Variants in SCFD2 observed in about 807,000 individuals in gnomAD.
The protein encoded by SCFD2 is sec1 family domain-containing protein 2.
SCFD2 carries 54 observed loss-of-function variants against 58.9 expected under a neutral mutation model. That is an observed-to-expected ratio of 0.92 (90% CI 0.74 to 1.15). The LOEUF (loss-of-function observed/expected upper bound fraction) is 1.15, where lower values mean the gene tolerates loss of function less well. SCFD2 is among the 50% of genes most tolerant of loss of function. The pLI is 0.00. For synonymous variants in SCFD2, 321 were observed against 335.9 expected (o/e 0.96, Z 0.49); for missense variants, 805 against 836.6 (o/e 0.96, Z 0.47).
rs368911040 is a variant in SCFD2, at chr4:52,885,666, G to A, written c.1962+81C>T. 8.5e-5 allele frequency: 131 copies of A among 1,538,820 alleles called. 1 individual carries two copies. In the African/African-American group the frequency reaches 1.7e-3, roughly 20 times the overall value. On this transcript the variant is annotated intron_variant, in intron 8 of 8. Coordinates refer to ENST00000401642, the MANE Select transcript of SCFD2 (RefSeq NM_152540.4). ...CAGGCAGGCTAGGAGAGGGGCACTG[G>A]GACCCATAGGTGGAGGGCCCTCACC...
chr4:53,348,206 G>T (rs1236345883), intron 2 of SCFD2, among the ~76,000 whole-genome samples: 1 of 152,136 alleles, frequency 6.6e-6, no homozygotes, highest in Non-Finnish European at 1.5e-5. Flanking sequence ...TATAAAAATT[G>T]GCAGTAACTT....
chr4:53,052,355 T>C (rs1723209795), intron 5 of SCFD2, among the ~76,000 whole-genome samples: 1 of 152,188 alleles, frequency 6.6e-6, no homozygotes, highest in Non-Finnish European at 1.5e-5. Context: ...AAACAAAATC[T>C]TTCCCAGTCC....
chr4:53,153,437 C>T (rs975342825), intron 4 of SCFD2, among the ~76,000 whole-genome samples: 1 of 152,234 alleles, frequency 6.6e-6, no homozygotes, highest in Non-Finnish European at 1.5e-5. Context: ...ACAGCTGGAG[C>T]TGGAGTGGCC....
chr4:52,920,577 C>T, intron 6 of SCFD2, 148 bp downstream of exon 6: 1 of 486,028 alleles, frequency 2.1e-6, no homozygotes. Flanking sequence ...TCCGTGGGAC[C>T]CAAAACTCTG....
At chr4:53,323,929 A>G (rs913502747) in intron 2 of SCFD2, among the ~76,000 whole-genome samples, 1 of 152,094 alleles carries the variant, frequency 6.6e-6, no homozygotes, top group African/African-American at 2.4e-5. Flanking sequence ...TTGCAGCCAC[A>G]ATTACCCTAT....
chr4:53,191,580 T>C (rs1171496720), intron 4 of SCFD2, among the ~76,000 whole-genome samples: 6 of 152,150 alleles, frequency 3.9e-5, no homozygotes, highest in Non-Finnish European at 8.8e-5. Flanking sequence ...CTAATTTTTG[T>C]ATTTTTAGTA....
intron 1 of SCFD2, among the ~76,000 whole-genome samples, chr4:53,361,604 C>T (rs1451967187): frequency 1.3e-5 from 2 of 152,116 alleles, no homozygotes; most frequent in Non-Finnish European, 2.9e-5. Context: ...ACTCTGTTGC[C>T]CAGGCTGTTC....
At chr4:53,170,834 C>G (rs73143488) in intron 4 of SCFD2, among the ~76,000 whole-genome samples, 1 of 151,902 alleles carries the variant, frequency 6.6e-6, no homozygotes, top group Non-Finnish European at 1.5e-5. Context: ...TGTTAGTTAG[C>G]TGTTGGTGTA....
At chr4:52,883,178 C>T (rs895393887) in intron 8 of SCFD2, among the ~76,000 whole-genome samples, 15 of 152,260 alleles carry the variant, frequency 9.9e-5, no homozygotes, top group Non-Finnish European at 5.9e-5. Flanking sequence ...GCATGATTTC[C>T]GCTGCACTCT....
intron 5 of SCFD2, among the ~76,000 whole-genome samples, chr4:53,109,584 CAG>C (rs1414016823): frequency 6.6e-6 from 1 of 152,096 alleles, no homozygotes; most frequent in African/African-American, 2.4e-5. Flanking sequence ...AATAGAAAAA[CAG>C]AGAGCCAAAT....
At chr4:53,339,447 GA>G (rs532485095) in intron 2 of SCFD2, among the ~76,000 whole-genome samples, 146 of 151,698 alleles carry the variant, frequency 9.6e-4, no homozygotes, top group Admixed American at 2.6e-3. Context: ...TGTAACTACT[GA>G]AAAAACAATA....
chr4:53,206,273 T>C (rs1002924049), intron 4 of SCFD2, among the ~76,000 whole-genome samples: 4 of 152,128 alleles, frequency 2.6e-5, no homozygotes, highest in Non-Finnish European at 5.9e-5. Context: ...TGTTGCCTCC[T>C]TGTCTCCCAA....
At chr4:53,147,202 C>G (rs187624225) in intron 4 of SCFD2, among the ~76,000 whole-genome samples, 9 of 152,082 alleles carry the variant, frequency 5.9e-5, no homozygotes, top group Non-Finnish European at 1.3e-4. Flanking sequence ...ATTGTGGATA[C>G]AGTTTACATA....
intron 2 of SCFD2, among the ~76,000 whole-genome samples, chr4:53,345,424 G>A (rs934812381): frequency 6.6e-5 from 10 of 152,084 alleles, no homozygotes; most frequent in Non-Finnish European, 1.3e-4. Context: ...TTAGAATGGC[G>A]ATCATTAAAA....
At chr4:53,049,348 T>C (rs1723126110) in intron 5 of SCFD2, among the ~76,000 whole-genome samples, 1 of 152,150 alleles carries the variant, frequency 6.6e-6, no homozygotes, top group African/African-American at 2.4e-5. Context: ...TGAGTGTAGA[T>C]TATTGGTACT....
chr4:53,057,210 CAT>C lies in SCFD2; in HGVS notation c.1561+88121_1561+88122del, dbSNP rs533699225. On this transcript the variant is annotated intron_variant, in intron 5 of 8. Transcript: ENST00000401642. ...GATTCTACTATAAAGGCACTGCACA[CAT>C]ATGTTTATTGCAGGACTCCCGTACT... Among the ~76,000 whole-genome samples, 78 of 152,150 alleles carry C rather than the reference CAT, an allele frequency of 5.1e-4. 1 individual carries two copies. The highest frequency in any genetic ancestry group is 1.1e-3 in the Non-Finnish European group (72 of 68,002).
At chr4:53,161,758 A>AC (rs1241270486) in intron 4 of SCFD2, among the ~76,000 whole-genome samples, 1 of 152,202 alleles carries the variant, frequency 6.6e-6, no homozygotes, top group African/African-American at 2.4e-5. Flanking sequence ...TATGCATCCA[A>AC]CAAAACCACT....
chr4:53,128,208 T>C (rs931335642), intron 5 of SCFD2, among the ~76,000 whole-genome samples: 1 of 152,162 alleles, frequency 6.6e-6, no homozygotes, highest in African/African-American at 2.4e-5. Flanking sequence ...GAATTTGATA[T>C]TTTGATTTTT....
At chr4:53,215,597 A>G (rs1202441448) in intron 4 of SCFD2, among the ~76,000 whole-genome samples, 4 of 152,106 alleles carry the variant, frequency 2.6e-5, no homozygotes, top group Non-Finnish European at 5.9e-5. Flanking sequence ...GCAAACAGGG[A>G]CAATTTGACT....
Sources: gnomAD v4.1 joint callset for allele counts (sites outside exome capture counted in the v4.1 genomes callset) on GRCh38, gnomAD v4.1.1 for gene constraint, MANE v1.5 for transcripts, NCBI Gene and HGNC (gene_info 2026-07-23, HGNC 2026-07-21) for gene names.